SYK: variants seen among roughly 807,000 people sequenced by gnomAD.
SYK encodes tyrosine-protein kinase SYK.
SYK carries 16 observed loss-of-function variants against 77.8 expected under a neutral mutation model. The observed-to-expected ratio is 0.21, with a 90% CI of 0.14 to 0.31. The LOEUF is 0.31. Among genes scored for constraint, SYK ranks in the 10% least tolerant of loss-of-function variants. SYK has a pLI of 1.00. For missense variants in SYK, 529 were observed against 814.4 expected (o/e 0.65, Z 4.26); for synonymous variants, 312 against 308.7 (o/e 1.01, Z -0.11).
Position 90,897,789 on chromosome 9 carries a change from G to T in SYK, c.*2189G>T, listed in dbSNP as rs1210047789. 1 of 222,670 alleles carries T rather than the reference G, an allele frequency of 4.5e-6. No homozygotes were observed. The highest frequency in any genetic ancestry group is 6.5e-5 in the East Asian group (1 of 15,276). 13.8% of individuals were successfully genotyped at this position (222,670 alleles called of 1,614,324 possible). ...CCTGGACAATCTCCTGAGCCTCTCT[G>T]CTTGGTGGAGCAGGCACCTGTGTGC... On this transcript the variant is annotated 3_prime_UTR_variant, in exon 14 of 14. Coordinates refer to ENST00000375754, the MANE Select transcript of SYK (RefSeq NM_003177.7).
At chr9:90,883,510 C>A (rs1281322239) in intron 11 of SYK, among the ~76,000 whole-genome samples, 3 of 152,154 alleles carry the variant, frequency 2.0e-5, no homozygotes. Flanking sequence ...CAGCTACCTG[C>A]CTACTCTGCA....
chr9:90,858,729 G>T (rs1476626339), intron 3 of SYK, among the ~76,000 whole-genome samples: 2 of 152,264 alleles, frequency 1.3e-5, no homozygotes, highest in African/African-American at 4.8e-5. Flanking sequence ...CACAGTTGCT[G>T]GTGGTTAATG....
chr9:90,824,386 G>A (rs778111302), intron 1 of SYK, among the ~76,000 whole-genome samples: 3 of 152,118 alleles, frequency 2.0e-5, no homozygotes, highest in Non-Finnish European at 2.9e-5. Context: ...TTCATTTTAT[G>A]AGTTCAGATT....
chr9:90,874,331 A>T, intron 8 of SYK, 40 bp downstream of exon 8: 1 of 1,594,252 alleles, frequency 6.3e-7, no homozygotes, highest in Non-Finnish European at 8.6e-7. Context: ...CACAGAGCAA[A>T]GTGCGTGGTC....
chr9:90,842,758 A>AGTGT (rs60139969), intron 1 of SYK, among the ~76,000 whole-genome samples: 994 of 58,288 alleles, frequency 0.017, 6 homozygotes, highest in South Asian at 0.081. Flanking sequence ...GTATGGAGAG[A>AGTGT]GTGTGTGTGT....
intron 9 of SYK, 120 bp from the exon 10 acceptor site, chr9:90,877,451 A>G (rs1001404985): frequency 3.9e-5 from 44 of 1,120,858 alleles, no homozygotes; most frequent in Non-Finnish European, 5.6e-5. Context: ...ACACATTGCC[A>G]CTCTGTGGCA....
At chr9:90,883,181 C>G (rs1331971109) in intron 11 of SYK, among the ~76,000 whole-genome samples, 3 of 152,120 alleles carry the variant, frequency 2.0e-5, no homozygotes, top group Non-Finnish European at 4.4e-5. Flanking sequence ...TTCACACACC[C>G]CAGGGACAGA....
intron 3 of SYK, among the ~76,000 whole-genome samples, chr9:90,846,434 A>G (rs912047280): frequency 4.6e-5 from 7 of 152,292 alleles, no homozygotes; most frequent in Non-Finnish European, 1.0e-4. Flanking sequence ...AACTTTTCCT[A>G]GATTTAGAAG....
chr9:90,894,232 A>G (rs1186099823), intron 13 of SYK, among the ~76,000 whole-genome samples: 1 of 152,222 alleles, frequency 6.6e-6, no homozygotes, highest in Non-Finnish European at 1.5e-5. Flanking sequence ...GGAGCAAGAC[A>G]GAGGCTGTCC....
chr9:90,833,349 T>C (rs1269530142), intron 1 of SYK, among the ~76,000 whole-genome samples: 1 of 152,182 alleles, frequency 6.6e-6, no homozygotes, highest in South Asian at 2.1e-4. Flanking sequence ...GTACTTACAC[T>C]AATGGAGTGT....
intron 1 of SYK, among the ~76,000 whole-genome samples, chr9:90,835,738 G>T (rs998231990): frequency 1.3e-5 from 2 of 152,166 alleles, no homozygotes; most frequent in African/African-American, 4.8e-5. Context: ...GCAGCCACAG[G>T]GCTGGAGCAT....
intron 7 of SYK, among the ~76,000 whole-genome samples, chr9:90,868,490 A>G (rs2613309): frequency 0.34 from 52,164 of 152,146 alleles, 9,582 homozygotes; most frequent in East Asian, 0.55. Context: ...AATAGCTTTA[A>G]TATACAAAGA....
intron 3 of SYK, among the ~76,000 whole-genome samples, chr9:90,861,873 G>T (rs55721521): frequency 6.6e-6 from 1 of 152,300 alleles, no homozygotes; most frequent in Admixed American, 6.5e-5. Context: ...ACCCTGAGAA[G>T]CGTCACTGCT....
At chr9:90,877,119 A>G (rs1365548740) in intron 9 of SYK, among the ~76,000 whole-genome samples, 3 of 152,132 alleles carry the variant, frequency 2.0e-5, no homozygotes, top group South Asian at 2.1e-4. Context: ...AGTGGCAAGA[A>G]GCTCACTGCA....
intron 1 of SYK, among the ~76,000 whole-genome samples, chr9:90,817,706 T>C (rs1825337621): frequency 6.6e-6 from 1 of 152,168 alleles, no homozygotes; most frequent in Admixed American, 6.5e-5. Flanking sequence ...GCCATTTGTT[T>C]CTCCTGTTAC....
chr9:90,872,465 A>G (rs182701283), intron 7 of SYK, among the ~76,000 whole-genome samples: 519 of 152,374 alleles, frequency 3.4e-3, no homozygotes, highest in Non-Finnish European at 3.7e-3. Context: ...AACTATTTTC[A>G]GCCTAGAATT....
intron 3 of SYK, among the ~76,000 whole-genome samples, chr9:90,854,129 G>A (rs554395678): frequency 2.0e-5 from 3 of 152,276 alleles, no homozygotes; most frequent in African/African-American, 7.2e-5. Context: ...TCTATGGATG[G>A]TGGCAGAGTT....
At chr9:90,822,544 G>A (rs1825553638) in intron 1 of SYK, among the ~76,000 whole-genome samples, 1 of 152,176 alleles carries the variant, frequency 6.6e-6, no homozygotes. Context: ...AAAATATAAT[G>A]TCTCTTTCTC....
intron 1 of SYK, among the ~76,000 whole-genome samples, chr9:90,837,323 A>C (rs1414842364): frequency 6.6e-6 from 1 of 152,138 alleles, no homozygotes; most frequent in Non-Finnish European, 1.5e-5. Context: ...TTTGGGGCTC[A>C]CATTTTAGGG....
Sources: gnomAD v4.1 joint callset for allele counts (sites outside exome capture counted in the v4.1 genomes callset) on GRCh38, gnomAD v4.1.1 for gene constraint, MANE v1.5 for transcripts, NCBI Gene and HGNC (gene_info 2026-07-23, HGNC 2026-07-21) for gene names.